The following MFGE8 variants were observed in gnomAD, a reference collection of about 807,000 sequenced individuals.
The protein encoded by MFGE8 is milk fat globule EGF and factor V/VIII domain containing, also known as lactadherin.
MFGE8 carries 34 observed loss-of-function variants against 42.6 expected under a neutral mutation model. That is an observed-to-expected ratio of 0.80 (90% CI 0.61 to 1.06). The LOEUF is 1.06. Ranked by LOEUF, MFGE8 falls within the 50% of genes least tolerant of loss-of-function variation. MFGE8 has a pLI of 0.00. For synonymous variants in MFGE8, 230 were observed against 214.8 expected, an observed-to-expected ratio of 1.07 and a Z score of -0.62; for missense variants, 510 against 516.9, an observed-to-expected ratio of 0.99 and a Z score of 0.13.
chr15:88,912,032 C>A, intron 1 of MFGE8: 1 of 1,033,168 alleles, frequency 9.7e-7, no homozygotes, highest in Non-Finnish European at 1.3e-6. Context: ...TCCCTCCCAA[C>A]TGCACCGGCC....
chr15:88,899,272 G>T lies in MFGE8; in HGVS notation c.*123C>A. The T allele has an allele frequency of 7.5e-7, 1 of 1,328,766 alleles. No homozygotes were observed. Among genetic ancestry groups the T allele is most frequent in the Non-Finnish European group, 1.0e-6 (1 of 956,496 alleles). 82.3% of individuals were successfully genotyped at this position (1,328,766 alleles called of 1,614,324 possible). On this transcript the variant is annotated 3_prime_UTR_variant, in exon 8 of 8. Coordinates refer to ENST00000268150, the MANE Select transcript of MFGE8 (RefSeq NM_005928.4). The surrounding 1 kb of genome is among the most constrained non-coding windows in gnomAD (Gnocchi z 6.8). Reference sequence around the variant, plus strand: ...GGGAGGGAGGGGTGACTGTGTGGTGGTGCTGCCTCTGAACACCCTCCCCTT... The same window carrying T: ...GGGAGGGAGGGGTGACTGTGTGGTGTTGCTGCCTCTGAACACCCTCCCCTT...
rs1448510172 is a variant in MFGE8 at position 88,905,564 on chromosome 15, G to A, written c.685+193C>T. The A allele has an allele frequency of 1.4e-6, 1 of 738,248 alleles. No individual in the cohort carries two copies. Among genetic ancestry groups the A allele is most frequent in the Admixed American group, 2.0e-5 (1 of 50,030 alleles). The allele number at this position is 738,248 out of a possible 1,614,324, so 45.7% of individuals were successfully genotyped here. A position where few individuals can be genotyped will look rare whatever the true frequency, so the allele number is the denominator to read the frequency against. ...TCAGAATGCCCTGGGTCATGGGTTG[G>A]CAGACAGCAAACACCTGGGTGGGGC... On this transcript the variant is annotated intron_variant, in intron 5 of 7. Transcript: ENST00000268150. The surrounding 1 kb of genome is among the most constrained non-coding windows in gnomAD (Gnocchi z 6.6).
Position 88,913,369 on chromosome 15 carries a change from C to T in MFGE8, c.-50G>A. 7.6e-7 allele frequency: 1 copy of T among 1,321,816 alleles called. No homozygotes were observed. The highest frequency in any genetic ancestry group is 9.7e-7 in the Non-Finnish European group (1 of 1,026,244). 81.9% of individuals were successfully genotyped at this position (1,321,816 alleles called of 1,614,324 possible). A position where few individuals can be genotyped will look rare whatever the true frequency, so the allele number is the denominator to read the frequency against. ...TGGGCACGCTGGGCTGCTCAGACCC[C>T]GCGGGGTTCTGGCGCCTTCTCCTCT... On this transcript the variant is annotated 5_prime_UTR_variant, in exon 1 of 8. Transcript: ENST00000268150.
At position 88,899,703 on chromosome 15, in the gene MFGE8, T is replaced by G. The variant is rs760694811; in HGVS notation, c.979A>C (p.Ser327Arg). The change falls in exon 7 of 8, where the codon AGT becomes CGT. Residue 327 changes from serine (S) to arginine (R), a missense_variant. Coordinates refer to ENST00000268150, the MANE Select transcript of MFGE8 (RefSeq NM_005928.4). This position sits in a 1 kb window ranked among gnomAD's most constrained non-coding sequence, Gnocchi z 6.8. ...TCCTGGTACTCAGTCCAGTTCGCAC[T>G]GTCATTACTGTAGGCAACCTTGTAG... ...ASYKVAYSNDSANWTEYQDPR... is the reference protein window; with the variant it reads ...ASYKVAYSNDRANWTEYQDPR... 1.2e-6 allele frequency: 2 copies of G among 1,614,188 alleles called. No individual in the cohort carries two copies. Among genetic ancestry groups the G allele is most frequent in the East Asian group, 4.5e-5 (2 of 44,882 alleles).
rs1431966760 is a variant in MFGE8, at chr15:88,913,357, C to T, written c.-38G>A. 7.3e-7 allele frequency: 1 copy of T among 1,372,064 alleles called. No homozygotes were observed. Among genetic ancestry groups the T allele is most frequent in the Admixed American group, 3.6e-5 (1 of 27,966 alleles). The allele number at this position is 1,372,064 out of a possible 1,614,324, so 85.0% of individuals were successfully genotyped here. A position where few individuals can be genotyped will look rare whatever the true frequency, so the allele number is the denominator to read the frequency against. ...CGGGCGCTGGAATGGGCACGCTGGG[C>T]TGCTCAGACCCCGCGGGGTTCTGGC... On this transcript the variant is annotated 5_prime_UTR_variant, in exon 1 of 8. Coordinates refer to ENST00000268150, the MANE Select transcript of MFGE8 (RefSeq NM_005928.4).
At position 88,901,560 on chromosome 15, in the gene MFGE8, C is replaced by T. The variant is rs1455944403; in HGVS notation, c.861G>A (p.Gln287=). Residue 287 remains glutamine, a synonymous_variant, in exon 6 of 8, where the codon CAG becomes CAA. Coordinates refer to ENST00000268150, the MANE Select transcript of MFGE8 (RefSeq NM_005928.4). The stretch of plus-strand genomic sequence containing the variant: ...AAGAAGGCTGACCCACCTGCAGCCA[C>T]TGATCGTTACCGTAGCTCCCCGCAA... ...AWVAGSYGND[Q]WLQVDLGSSK... The T allele has an allele frequency of 1.3e-6, 2 of 1,589,932 alleles. No homozygotes were observed. The highest frequency in any genetic ancestry group is 2.7e-5 in the African/African-American group (2 of 74,190).
chr15:88,900,714 C>A (rs1351583368), intron 6 of MFGE8: 1 of 985,326 alleles, frequency 1.0e-6, no homozygotes, highest in African/African-American at 1.7e-5. Context: ...TCGGCTTCCT[C>A]ATCTATAAAA....
intron 2 of MFGE8, 44 bp from the exon 3 acceptor site, chr15:88,907,420 T>A (rs1567023008): frequency 6.3e-7 from 1 of 1,585,156 alleles, no homozygotes; most frequent in Admixed American, 1.7e-5. Flanking sequence ...CCCAGCAGGT[T>A]CCCGGGCCCA....
intron 1 of MFGE8, 72 bp downstream of exon 1, chr15:88,913,175 C>T: frequency 6.8e-7 from 1 of 1,465,214 alleles, no homozygotes; most frequent in Non-Finnish European, 9.0e-7. Context: ...AGGTGGAGGG[C>T]GGGCGCCGGG....
rs1391267690 is a variant in MFGE8 at position 88,902,181 on chromosome 15, A to G, written c.686-446T>C. The G allele has an allele frequency of 2.5e-5, 5 of 197,028 alleles. No individual in the cohort carries two copies. In the South Asian group the frequency reaches 5.3e-4, roughly 21 times the overall value. 12.2% of individuals were successfully genotyped at this position (197,028 alleles called of 1,614,324 possible). ...CCGTCCCATGGCACAGTCACTATCTACTTTAATAACAACCACATTGTTTAT... is the reference window on the plus strand; with the variant it reads ...CCGTCCCATGGCACAGTCACTATCTGCTTTAATAACAACCACATTGTTTAT... On this transcript the variant is annotated intron_variant, in intron 5 of 7. Coordinates refer to ENST00000268150, the MANE Select transcript of MFGE8 (RefSeq NM_005928.4). This position sits in a 1 kb window ranked among gnomAD's most constrained non-coding sequence, Gnocchi z 4.3.
Position 88,905,418 on chromosome 15 carries a change from G to A in MFGE8, c.685+339C>T. 1 of 507,560 alleles carries A rather than the reference G, an allele frequency of 2.0e-6. No homozygotes were observed. The highest frequency in any genetic ancestry group is 3.8e-6 in the Non-Finnish European group (1 of 261,886). 31.4% of individuals were successfully genotyped at this position (507,560 alleles called of 1,614,324 possible). A position where few individuals can be genotyped will look rare whatever the true frequency, so the allele number is the denominator to read the frequency against. ...AGCAAACAAAACAGACAGATTCTCT[G>A]CCCTCGTAAAGCTGACATCTGCCAA... On this transcript the variant is annotated intron_variant, in intron 5 of 7. Coordinates refer to ENST00000268150, the MANE Select transcript of MFGE8 (RefSeq NM_005928.4). The surrounding 1 kb of genome is among the most constrained non-coding windows in gnomAD (Gnocchi z 6.6).
At position 88,899,207 on chromosome 15, in the gene MFGE8, G is replaced by T. The variant is rs1219758768; in HGVS notation, c.*188C>A. On this transcript the variant is annotated 3_prime_UTR_variant, in exon 8 of 8. Coordinates refer to ENST00000268150, the MANE Select transcript of MFGE8 (RefSeq NM_005928.4). This position sits in a 1 kb window ranked among gnomAD's most constrained non-coding sequence, Gnocchi z 6.8. ...TGGGGGTTAGGGGACGGGGCTTAGG[G>T]GCTGGGGCAGGGCCCGTGAGAGGTG... The T allele has an allele frequency of 4.0e-6, 3 of 750,626 alleles. No homozygotes were observed. The highest frequency in any genetic ancestry group is 4.4e-6 in the Non-Finnish European group (2 of 456,350). The allele number at this position is 750,626 out of a possible 1,614,324, so 46.5% of individuals were successfully genotyped here.
At position 88,905,729 on chromosome 15, in the gene MFGE8, C is replaced by T. The variant is rs768316849; in HGVS notation, c.685+28G>A. On this transcript the variant is annotated intron_variant, in intron 5 of 7. Coordinates refer to ENST00000268150, the MANE Select transcript of MFGE8 (RefSeq NM_005928.4). This position sits in a 1 kb window ranked among gnomAD's most constrained non-coding sequence, Gnocchi z 6.6. Reference sequence around the variant, plus strand: ...CACCTCCTAGGATTGGCCAACAGTGCCCCCCTACCCGCACCCCCAGCACTC... The same window carrying T: ...CACCTCCTAGGATTGGCCAACAGTGTCCCCCTACCCGCACCCCCAGCACTC... The T allele has an allele frequency of 3.1e-6, 5 of 1,613,466 alleles. No homozygotes were observed. Among genetic ancestry groups the T allele is most frequent in the South Asian group, 2.2e-5 (2 of 91,056 alleles).
Position 88,899,806 on chromosome 15 carries a change from G to T in MFGE8, c.876C>A (p.Asp292Glu). 6.2e-7 allele frequency: 1 copy of T among 1,613,926 alleles called. No individual in the cohort carries two copies. The highest frequency in any genetic ancestry group is 1.3e-5 in the African/African-American group (1 of 75,018). The change falls in exon 7 of 8, where the codon GAC becomes GAA. Residue 292 changes from aspartate to glutamate, a missense_variant. Asp to Glu is a conservative substitution (Grantham distance 45, BLOSUM62 2). Coordinates refer to ENST00000268150, the MANE Select transcript of MFGE8 (RefSeq NM_005928.4). This position sits in a 1 kb window ranked among gnomAD's most constrained non-coding sequence, Gnocchi z 6.8. Reference protein sequence around the residue: ...SYGNDQWLQVDLGSSKEVTGI... With the variant: ...SYGNDQWLQVELGSSKEVTGI... ...CTGTCACCTCCTTCGAGGAGCCCAG[G>T]TCCACCTACAGAAGAAACCAACCAC... is the stretch of plus-strand genomic sequence containing the variant.
chr15:88,910,079 G>A (rs539206394), intron 1 of MFGE8, 156 bp from the exon 2 acceptor site: 5 of 952,544 alleles, frequency 5.2e-6, no homozygotes, highest in African/African-American at 4.8e-5. Context: ...GATGGAGCCT[G>A]AGTCCGCCTA....
rs1378548179 is a variant in MFGE8, at chr15:88,908,170, A to AGCT, written c.206-797_206-795dup. On this transcript the variant is annotated intron_variant, in intron 2 of 7. Coordinates refer to ENST00000268150, the MANE Select transcript of MFGE8 (RefSeq NM_005928.4). Reference sequence around the variant, plus strand: ...AGCTACCAGGCCCACCTACAGGCCAAGCTTCTCTCATCACCTGGGGATCCC... The same window carrying AGCT: ...AGCTACCAGGCCCACCTACAGGCCAAGCTGCTTCTCTCATCACCTGGGGATCCC... 5.3e-5 allele frequency among the ~76,000 whole-genome samples: 8 copies of AGCT among 152,166 alleles called. No homozygotes were observed. In the East Asian group the frequency reaches 1.5e-3, roughly 29 times the overall value.
At position 88,906,871 on chromosome 15, in the gene MFGE8, T is replaced by G; in HGVS notation, c.388-93A>C. ...CCCATCCCTTCACTCCCCCACTGGG[T>G]GGGGGAACAACTCAAGCAAAACAGA... On this transcript the variant is annotated intron_variant, in intron 3 of 7. Transcript: ENST00000268150. This position sits in a 1 kb window ranked among gnomAD's most constrained non-coding sequence, Gnocchi z 4.2. 6.6e-7 allele frequency: 1 copy of G among 1,507,034 alleles called. No homozygotes were observed. The highest frequency in any genetic ancestry group is 1.7e-5 in the Admixed American group (1 of 58,810). 93.4% of individuals were successfully genotyped at this position (1,507,034 alleles called of 1,614,324 possible).
chr15:88,905,844 C>T lies in MFGE8; in HGVS notation c.598G>A (p.Val200Met). ...TACAATCTCACGTACTGAGCCTCCACAGGGGTCTCAAACAGGTTGACATGC... is the reference window on the plus strand; with the variant it reads ...TACAATCTCACGTACTGAGCCTCCATAGGGGTCTCAAACAGGTTGACATGC... The part of the protein sequence containing the change: ...AVHVNLFETP[V>M]EAQYVRLYPT... Residue 200 changes from valine (V) to methionine (M), a missense_variant, in exon 5 of 8, where the codon GTG becomes ATG. Coordinates refer to ENST00000268150, the MANE Select transcript of MFGE8 (RefSeq NM_005928.4). The surrounding 1 kb of genome is among the most constrained non-coding windows in gnomAD (Gnocchi z 6.6). 1.2e-6 allele frequency: 2 copies of T among 1,614,208 alleles called. No individual in the cohort carries two copies. Among genetic ancestry groups the T allele is most frequent in the South Asian group, 2.2e-5 (2 of 91,082 alleles).
At chr15:88,904,152 T>G (rs1367599864) in intron 5 of MFGE8, 2 of 152,280 alleles carry the variant, frequency 1.3e-5, no homozygotes, top group African/African-American at 2.4e-5. Context: ...GCCTCAAGTC[T>G]GCCTTCCTTG....
Sources: gnomAD v4.1 joint callset for allele counts (sites outside exome capture counted in the v4.1 genomes callset) on GRCh38, gnomAD v4.1.1 for gene constraint, Gnocchi (gnomAD v3.1) non-coding constraint, MANE v1.5 for transcripts, NCBI Gene and HGNC (gene_info 2026-07-23, HGNC 2026-07-21) for gene names.